GCLC: variants seen among roughly 807,000 people sequenced by gnomAD.
GCLC encodes glutamate-cysteine ligase catalytic subunit.
GCLC carries 30 observed loss-of-function variants against 81.5 expected under a neutral mutation model. The observed-to-expected ratio is 0.37, with a 90% CI of 0.28 to 0.50. The LOEUF is 0.50. Among genes scored for constraint, GCLC ranks in the 20% least tolerant of loss-of-function variants. The probability of loss-of-function intolerance (pLI) is 0.96; values close to 1 mark genes in which losing one functional copy is unlikely to be tolerated. For synonymous variants in GCLC, 262 were observed against 273.3 expected, an observed-to-expected ratio of 0.96 and a Z score of 0.41; for missense variants, 556 against 777.4, an observed-to-expected ratio of 0.72 and a Z score of 3.39.
chr6:53,520,362 G>A (rs1006054166), intron 3 of GCLC, among the ~76,000 whole-genome samples: 1 of 152,208 alleles, frequency 6.6e-6, no homozygotes, highest in African/African-American at 2.4e-5. Context: ...GCAGGTAAAT[G>A]CTGCTTTTTG....
Position 53,509,177 on chromosome 6 carries a change from A to G in GCLC, c.827T>C (p.Val276Ala). ...YDQLATICPI[V>A]MALSAASPFY... Reference sequence around the variant, plus strand: ...AAATAAGAGGTAATTTCTACTTACAACAATTGGACAGATAGTAGCCAACTG... The same window carrying G: ...AAATAAGAGGTAATTTCTACTTACAGCAATTGGACAGATAGTAGCCAACTG... The change falls in exon 7 of 16, where the codon GTT becomes GCT. Residue 276 changes from valine to alanine, a missense_variant and splice_region_variant. Val to Ala is a moderately conservative substitution (Grantham distance 64). Coordinates refer to ENST00000650454, the MANE Select transcript of GCLC (RefSeq NM_001498.4). 1 of 1,551,708 alleles carries G rather than the reference A, an allele frequency of 6.4e-7. No individual in the cohort carries two copies. The highest frequency in any genetic ancestry group is 8.9e-7 in the Non-Finnish European group (1 of 1,123,088).
intron 3 of GCLC, among the ~76,000 whole-genome samples, chr6:53,519,992 T>C (rs17883079): frequency 6.6e-6 from 1 of 152,300 alleles, no homozygotes; most frequent in Non-Finnish European, 1.5e-5. Context: ...TTCTCCACCA[T>C]TGATACCAAC....
chr6:53,503,918 T>A (rs1764562168), intron 12 of GCLC, among the ~76,000 whole-genome samples: 1 of 152,248 alleles, frequency 6.6e-6, no homozygotes, highest in African/African-American at 2.4e-5. Context: ...ATATTCAACA[T>A]CTGCTCTACT....
Position 53,544,737 on chromosome 6 carries a change from G to T in GCLC, c.-92C>A. On this transcript the variant is annotated 5_prime_UTR_variant, in exon 1 of 16. Transcript: ENST00000650454. ...GGACACTCAGCCGCCCGCAGAAGGCGGCTGCCGCTCCACCCCGCGGGGGCG... is the reference window on the plus strand; with the variant it reads ...GGACACTCAGCCGCCCGCAGAAGGCTGCTGCCGCTCCACCCCGCGGGGGCG... 1.5e-6 allele frequency: 2 copies of T among 1,296,502 alleles called. No homozygotes were observed. Among genetic ancestry groups the T allele is most frequent in the South Asian group, 1.4e-5 (1 of 70,116 alleles). 80.3% of individuals were successfully genotyped at this position (1,296,502 alleles called of 1,614,324 possible).
intron 12 of GCLC, chr6:53,501,495 G>A (rs1449304297): frequency 6.6e-6 from 1 of 151,632 alleles, no homozygotes; most frequent in East Asian, 1.9e-4. Context: ...TTTAAAAAAC[G>A]TTTTAGTAGT....
Position 53,520,964 on chromosome 6 carries a change from C to A in GCLC, c.264-4G>T. The A allele has an allele frequency of 6.2e-7, 1 of 1,609,562 alleles. No homozygotes were observed. The highest frequency in any genetic ancestry group is 1.7e-4 in the Middle Eastern group (1 of 6,050). ...TGGTCTCCAAAGGGTAGGATGGCTA[C>A]GGAGGAGAAATAACTTAGTTCCATC... On this transcript the variant is annotated splice_region_variant and splice_polypyrimidine_tract_variant and intron_variant, in intron 2 of 15. Transcript: ENST00000650454.
intron 1 of GCLC, among the ~76,000 whole-genome samples, chr6:53,541,970 C>T (rs747437900): frequency 2.0e-5 from 3 of 152,088 alleles, no homozygotes; most frequent in African/African-American, 4.8e-5. Flanking sequence ...CAGGCTTAAG[C>T]GATCCTTCTA....
At chr6:53,542,485 C>T (rs560286205) in intron 1 of GCLC, among the ~76,000 whole-genome samples, 7 of 150,700 alleles carry the variant, frequency 4.6e-5, no homozygotes, top group South Asian at 4.2e-4. Context: ...CTCTTCCTGC[C>T]AACAGGAGAG....
intron 3 of GCLC, among the ~76,000 whole-genome samples, chr6:53,520,457 G>A (rs16883924): frequency 0.088 from 13,389 of 152,200 alleles, 1,214 homozygotes; most frequent in Admixed American, 0.28. Flanking sequence ...TCAGAACTGT[G>A]TGGCAGGCGT....
chr6:53,544,813 G>A lies in GCLC; in HGVS notation c.-168C>T. 1.8e-6 allele frequency: 1 copy of A among 567,000 alleles called. No individual in the cohort carries two copies. The highest frequency in any genetic ancestry group is 2.8e-6 in the Non-Finnish European group (1 of 357,750). The allele number at this position is 567,000 out of a possible 1,614,324, so 35.1% of individuals were successfully genotyped here. A position where few individuals can be genotyped will look rare whatever the true frequency, so the allele number is the denominator to read the frequency against. On this transcript the variant is annotated 5_prime_UTR_variant, in exon 1 of 16. Coordinates refer to ENST00000650454, the MANE Select transcript of GCLC (RefSeq NM_001498.4). Reference sequence around the variant, plus strand: ...AGGGTCCTGCCCGCTCCGGCTCCCCGGCGGCGGCCCCTGGCGCCCAGGTGA... The same window carrying A: ...AGGGTCCTGCCCGCTCCGGCTCCCCAGCGGCGGCCCCTGGCGCCCAGGTGA...
chr6:53,540,322 C>CAAAAAAA (rs35612064), intron 1 of GCLC, among the ~76,000 whole-genome samples: 2 of 124,570 alleles, frequency 1.6e-5, no homozygotes, highest in African/African-American at 6.8e-5. Flanking sequence ...TATTCAGCCT[C>CAAAAAAA]AAAAAAGAAA....
At chr6:53,534,615 C>T (rs1763228535) in intron 1 of GCLC, among the ~76,000 whole-genome samples, 1 of 151,194 alleles carries the variant, frequency 6.6e-6, no homozygotes, top group Admixed American at 6.7e-5. Context: ...CCACTTACTG[C>T]CTGGGGAGAG....
chr6:53,528,936 G>A (rs4715407), intron 1 of GCLC, among the ~76,000 whole-genome samples: 25,295 of 152,124 alleles, frequency 0.17, 3,129 homozygotes, highest in Admixed American at 0.33. Context: ...GAGAAAGACA[G>A]TGAGAGTTGC....
chr6:53,522,348 G>T, intron 2 of GCLC, 67 bp downstream of exon 2: 1 of 956,028 alleles, frequency 1.0e-6, no homozygotes, highest in Non-Finnish European at 1.7e-6. Context: ...CAATAATTGA[G>T]AAAAAACTCT....
At position 53,505,211 on chromosome 6, in the gene GCLC, A is replaced by G. The variant is rs116545602; in HGVS notation, c.1395+181T>C. ...TCTAGCCATCAATCATCTTGAATGG[A>G]AAGCGTCTAGAAATTAAGCTTAGGT... On this transcript the variant is annotated intron_variant, in intron 12 of 15. Transcript: ENST00000650454. The G allele has an allele frequency of 8.8e-4, 511 of 578,514 alleles. 2 individuals carry two copies. In the African/African-American group the frequency reaches 8.9e-3, roughly 10 times the overall value. 35.8% of individuals were successfully genotyped at this position (578,514 alleles called of 1,614,324 possible).
intron 1 of GCLC, among the ~76,000 whole-genome samples, chr6:53,540,319 C>A (rs1224569815): frequency 1.6e-5 from 2 of 127,658 alleles, no homozygotes; most frequent in African/African-American, 3.1e-5. Context: ...TATTATTCAG[C>A]CTCAAAAAAG....
chr6:53,532,390 T>C (rs1289880671), intron 1 of GCLC, among the ~76,000 whole-genome samples: 1 of 152,236 alleles, frequency 6.6e-6, no homozygotes, highest in Non-Finnish European at 1.5e-5. Flanking sequence ...GATCTGCGTA[T>C]AGGCCTCAAA....
chr6:53,507,466 G>T lies in GCLC; in HGVS notation c.1084+14C>A. The T allele has an allele frequency of 6.2e-7, 1 of 1,612,652 alleles. No individual in the cohort carries two copies. Reference sequence around the variant, plus strand: ...GCGTACATTCAAACCCAGAAAGATGGAGTAGAAACCCACCTTCCTGCAACA... The same window carrying T: ...GCGTACATTCAAACCCAGAAAGATGTAGTAGAAACCCACCTTCCTGCAACA... On this transcript the variant is annotated intron_variant, in intron 9 of 15. Transcript: ENST00000650454.
intron 1 of GCLC, among the ~76,000 whole-genome samples, chr6:53,532,087 T>C (rs1222955796): frequency 6.6e-6 from 1 of 152,238 alleles, no homozygotes; most frequent in South Asian, 2.1e-4. Context: ...CTTTAAAAAG[T>C]TTACATATAC....
Sources: gnomAD v4.1 joint callset for allele counts (sites outside exome capture counted in the v4.1 genomes callset) on GRCh38, gnomAD v4.1.1 for gene constraint, MANE v1.5 for transcripts, NCBI Gene and HGNC (gene_info 2026-07-23, HGNC 2026-07-21) for gene names.